ZNF609: variants seen among roughly 807,000 people sequenced by gnomAD.
ZNF609 encodes the protein zinc finger protein 609.
Under a neutral mutation model 109.5 loss-of-function variants are expected in ZNF609, and 11 were observed. That is an observed-to-expected ratio of 0.10 (90% CI 0.06 to 0.17). The LOEUF (loss-of-function observed/expected upper bound fraction) is 0.17, where lower values mean the gene tolerates loss of function less well. Among genes scored for constraint, ZNF609 ranks in the 10% least tolerant of loss-of-function variants. ZNF609 has a pLI of 1.00. For synonymous variants in ZNF609, 646 were observed against 662.0 expected (o/e 0.98, Z 0.37); for missense variants, 1,559 against 1,772.4 (o/e 0.88, Z 2.16).
intron 2 of ZNF609, among the ~76,000 whole-genome samples, chr15:64,606,572 A>C (rs1895605469): frequency 1.3e-5 from 2 of 151,564 alleles, no homozygotes; most frequent in Admixed American, 1.3e-4. Flanking sequence ...AAAAAAAAAA[A>C]AAAAACAGAA....
chr15:64,559,873 ATAG>A, intron 2 of ZNF609, among the ~76,000 whole-genome samples: 1 of 152,358 alleles, frequency 6.6e-6, no homozygotes, highest in Non-Finnish European at 1.5e-5. Flanking sequence ...AAGATAAATA[ATAG>A]TATCCGTAGC....
At chr15:64,559,976 C>G (rs145970252) in intron 2 of ZNF609, among the ~76,000 whole-genome samples, 2 of 152,278 alleles carry the variant, frequency 1.3e-5, no homozygotes, top group African/African-American at 2.4e-5. Flanking sequence ...GTAGCTACAT[C>G]TTAATCAGAT....
chr15:64,636,800 C>T (rs951777144), intron 3 of ZNF609, among the ~76,000 whole-genome samples: 3 of 152,210 alleles, frequency 2.0e-5, no homozygotes, highest in Non-Finnish European at 4.4e-5. Context: ...AACTGGCCTG[C>T]ATCTTGGCTG....
Position 64,680,261 on chromosome 15 carries a change from A to T in ZNF609, c.3846A>T (p.Ala1282=). Residue 1282 remains alanine (A), a synonymous_variant, in exon 7 of 10, where the codon GCA becomes GCT. Transcript: ENST00000326648. Reference sequence around the variant, plus strand: ...CAGGTGGTGAAGATGCTGACAAGGCACGAGCCAGCCCCAGTGTGACTTGTA... The same window carrying T: ...CAGGTGGTGAAGATGCTGACAAGGCTCGAGCCAGCCCCAGTGTGACTTGTA... ...KVSGGEDADK[A]RASPSVTCKS... is the part of the protein sequence containing the mutation. 1 of 1,614,212 alleles carries T rather than the reference A, an allele frequency of 6.2e-7. No individual in the cohort carries two copies. The highest frequency in any genetic ancestry group is 8.5e-7 in the Non-Finnish European group (1 of 1,180,032).
chr15:64,532,166 C>T (rs1051336048), intron 2 of ZNF609, among the ~76,000 whole-genome samples: 4 of 152,114 alleles, frequency 2.6e-5, no homozygotes, highest in African/African-American at 4.8e-5. Context: ...CAGAGAAGTA[C>T]GTAGCATGGC....
intron 2 of ZNF609, among the ~76,000 whole-genome samples, chr15:64,562,602 T>C (rs1331322867): frequency 6.6e-6 from 1 of 152,172 alleles, no homozygotes; most frequent in African/African-American, 2.4e-5. Context: ...CTGAGATCAG[T>C]CTATATAATT....
At chr15:64,559,924 G>A (rs1480139860) in intron 2 of ZNF609, among the ~76,000 whole-genome samples, 1 of 152,180 alleles carries the variant, frequency 6.6e-6, no homozygotes, top group Non-Finnish European at 1.5e-5. Flanking sequence ...TTAAATAGAA[G>A]TTAAAATGAT....
At chr15:64,562,500 T>A (rs556240681) in intron 2 of ZNF609, among the ~76,000 whole-genome samples, 5 of 152,336 alleles carry the variant, frequency 3.3e-5, no homozygotes, top group Admixed American at 2.6e-4. Flanking sequence ...TATCATTTAA[T>A]GTGATGAAGG....
intron 9 of ZNF609, 25 bp downstream of exon 9, chr15:64,681,412 G>T (rs11631564): frequency 9.1e-5 from 145 of 1,595,720 alleles, no homozygotes; most frequent in Admixed American, 1.3e-4. Context: ...TTAATTTGGG[G>T]CAACACATAA....
At chr15:64,542,986 C>T (rs565914290) in intron 2 of ZNF609, among the ~76,000 whole-genome samples, 2 of 152,072 alleles carry the variant, frequency 1.3e-5, no homozygotes, top group Admixed American at 6.6e-5. Context: ...ACACTGGGGC[C>T]TGTCAGCGGG....
At chr15:64,561,557 T>TC (rs1396389755) in intron 2 of ZNF609, among the ~76,000 whole-genome samples, 28 of 150,194 alleles carry the variant, frequency 1.9e-4, no homozygotes, top group African/African-American at 5.8e-4. Flanking sequence ...TTTTTCTTTT[T>TC]TTTTTTTTTT....
intron 3 of ZNF609, among the ~76,000 whole-genome samples, chr15:64,658,806 G>GT (rs1393780287): frequency 6.6e-6 from 1 of 151,528 alleles, no homozygotes; most frequent in African/African-American, 2.4e-5. Context: ...AAAAAAAAAG[G>GT]TATTGAGGAC....
At position 64,674,736 on chromosome 15, in the gene ZNF609, G is replaced by C; in HGVS notation, c.1882G>C (p.Glu628Gln). The change falls in exon 5 of 10, where the codon GAA becomes CAA. Residue 628 changes from glutamate to glutamine, a missense_variant. By Grantham distance (29) the Glu-to-Gln change is conservative. Coordinates refer to ENST00000326648, the MANE Select transcript of ZNF609 (RefSeq NM_015042.2). ...ETSNDAFDSL[E>Q]RKCMEKEKCK... ...AAGCAATGATGCCTTTGATTCTTTAGAAAGGAAGTGTATGGAAAAAGAAAA... is the reference window on the plus strand; with the variant it reads ...AAGCAATGATGCCTTTGATTCTTTACAAAGGAAGTGTATGGAAAAAGAAAA... 8 of 1,614,082 alleles carry C rather than the reference G, an allele frequency of 5.0e-6. No individual in the cohort carries two copies. Among genetic ancestry groups the C allele is most frequent in the Non-Finnish European group, 6.8e-6 (8 of 1,180,034 alleles).
At chr15:64,520,806 A>G (rs1276571295) in intron 2 of ZNF609, among the ~76,000 whole-genome samples, 2 of 152,114 alleles carry the variant, frequency 1.3e-5, no homozygotes, top group Non-Finnish European at 2.9e-5. Flanking sequence ...GGAAATTTCT[A>G]TTACAAGATT....
intron 3 of ZNF609, among the ~76,000 whole-genome samples, chr15:64,665,354 A>G (rs1896630558): frequency 6.6e-6 from 1 of 152,224 alleles, no homozygotes; most frequent in Non-Finnish European, 1.5e-5. Flanking sequence ...CCTTGAGTAA[A>G]TGATTTATCC....
At chr15:64,577,063 T>TATAC (rs1894983855) in intron 2 of ZNF609, among the ~76,000 whole-genome samples, 3 of 107,886 alleles carry the variant, frequency 2.8e-5, no homozygotes, top group Admixed American at 9.8e-5. Flanking sequence ...TATACATATA[T>TATAC]GTATATATAC....
At chr15:64,609,064 T>TTTCTTTCTTTC (rs1895661659) in intron 2 of ZNF609, among the ~76,000 whole-genome samples, 3 of 119,030 alleles carry the variant, frequency 2.5e-5, no homozygotes, top group South Asian at 3.5e-4. Context: ...TAGTTTTAAT[T>TTTCTTTCTTTC]TTTCTTTCTT....
intron 2 of ZNF609, among the ~76,000 whole-genome samples, chr15:64,504,305 CTA>C (rs1893600308): frequency 6.6e-6 from 1 of 152,188 alleles, no homozygotes; most frequent in Non-Finnish European, 1.5e-5. Context: ...ATAGAAGAAA[CTA>C]AGACCAGTGA....
At chr15:64,545,089 G>A (rs1028672077) in intron 2 of ZNF609, among the ~76,000 whole-genome samples, 5 of 152,182 alleles carry the variant, frequency 3.3e-5, no homozygotes, top group South Asian at 2.1e-4. Flanking sequence ...TCTTGAAGCC[G>A]TTGTGTCTCT....
Sources: gnomAD v4.1 joint callset for allele counts (sites outside exome capture counted in the v4.1 genomes callset) on GRCh38, gnomAD v4.1.1 for gene constraint, MANE v1.5 for transcripts, NCBI Gene and HGNC (gene_info 2026-07-23, HGNC 2026-07-21) for gene names.